UBAP2: variants seen among roughly 807,000 people sequenced by gnomAD.
The protein encoded by UBAP2 is ubiquitin associated protein 2, also known as ubiquitin-associated protein 2.
In UBAP2, 75 loss-of-function variants were observed where a neutral mutation model predicts 139.6. The observed-to-expected ratio is 0.54, with a 90% confidence interval of 0.45 to 0.65. The LOEUF (loss-of-function observed/expected upper bound fraction) is 0.65. UBAP2 is among the 30% of genes least tolerant of loss of function. The pLI, the probability that UBAP2 is intolerant of heterozygous loss-of-function variation, is 0.00. For missense variants in UBAP2, 1,368 were observed against 1,369.6 expected (o/e 1.00, Z 0.02); for synonymous variants, 526 against 526.2 (o/e 1.00, Z 0.01).
chr9:34,046,296 C>A (rs1353319380), intron 1 of UBAP2, among the ~76,000 whole-genome samples: 9 of 132,026 alleles, frequency 6.8e-5, no homozygotes, highest in Non-Finnish European at 1.1e-4. Flanking sequence ...AATAAATCAT[C>A]ATTTAAAAAA....
intron 11 of UBAP2, among the ~76,000 whole-genome samples, chr9:33,954,301 C>CACACACACACACAT (rs1554682975): frequency 0.064 from 9,308 of 146,038 alleles, 349 homozygotes; most frequent in South Asian, 0.083. Flanking sequence ...CACACACACA[C>CACACACACACACAT]GCCCATATAA....
At chr9:34,033,156 T>C (rs938944524) in intron 1 of UBAP2, among the ~76,000 whole-genome samples, 1 of 152,152 alleles carries the variant, frequency 6.6e-6, no homozygotes, top group Non-Finnish European at 1.5e-5. Flanking sequence ...ATTGAAGAAA[T>C]ATCTGCATTC....
chr9:33,970,621 A>T lies in UBAP2; in HGVS notation c.679+1030T>A, dbSNP rs560984308. Among the ~76,000 whole-genome samples the T allele has an allele frequency of 2.0e-5, 3 of 152,086 alleles. No individual in the cohort carries two copies. The South Asian group carries it at 6.2e-4, about 32-fold the overall frequency. ...AATTTTTTAAGTTTTCTTAGTATAG[A>T]TGAGGTCTTACTATGTTAACCAGGC... On this transcript the variant is annotated intron_variant, in intron 8 of 28. Coordinates refer to ENST00000379238, the MANE Select transcript of UBAP2 (RefSeq NM_001370062.2).
chr9:34,016,551 T>C (rs1824365678), intron 2 of UBAP2, among the ~76,000 whole-genome samples: 1 of 151,782 alleles, frequency 6.6e-6, no homozygotes, highest in Non-Finnish European at 1.5e-5. Flanking sequence ...TTTTTATTTT[T>C]TATTTATTTT....
Position 33,998,769 on chromosome 9 carries a change from C to T in UBAP2, c.177+18G>A, listed in dbSNP as rs370796178. The T allele has an allele frequency of 3.4e-5, 54 of 1,598,632 alleles. No individual in the cohort carries two copies. The highest frequency in any genetic ancestry group is 1.7e-4 in the Middle Eastern group (1 of 6,050). ...AAATAGATTATAAAAATGATGATATCCTTTGCCAGAAACATACCTGCTTAA... is the reference window on the plus strand; with the variant it reads ...AAATAGATTATAAAAATGATGATATTCTTTGCCAGAAACATACCTGCTTAA... On this transcript the variant is annotated intron_variant, in intron 3 of 28. Coordinates refer to ENST00000379238, the MANE Select transcript of UBAP2 (RefSeq NM_001370062.2).
At position 33,921,706 on chromosome 9, in the gene UBAP2, C is replaced by CTT. The variant is rs907257334; in HGVS notation, c.*796_*797dup. ...ACAGAGACCATGCATGCTCTCAGAA[C>CTT]TTTATTAGGTGGGGATTGGGCAAGA... On this transcript the variant is annotated 3_prime_UTR_variant, in exon 29 of 29. Transcript: ENST00000379238. The CTT allele has an allele frequency of 3.3e-5, 5 of 152,678 alleles. No individual in the cohort carries two copies. Among genetic ancestry groups the CTT allele is most frequent in the African/African-American group, 9.7e-5 (4 of 41,444 alleles). The allele number at this position is 152,678 out of a possible 1,614,324, so 9.5% of individuals were successfully genotyped here. A position where few individuals can be genotyped will look rare whatever the true frequency, so the allele number is the denominator to read the frequency against.
At chr9:33,925,678 G>A (rs10971796) in intron 22 of UBAP2, among the ~76,000 whole-genome samples, 9,664 of 152,228 alleles carry the variant, frequency 0.063, 430 homozygotes, top group South Asian at 0.23. Flanking sequence ...CTGGAAATAC[G>A]GCCAGCCAGT....
intron 4 of UBAP2, among the ~76,000 whole-genome samples, chr9:33,989,491 G>A (rs1257692029): frequency 3.9e-5 from 6 of 152,020 alleles, no homozygotes; most frequent in Admixed American, 2.6e-4. Context: ...GTGAGCCACC[G>A]CGCCCGGCAC....
intron 28 of UBAP2, 41 bp from the exon 29 acceptor site, chr9:33,922,640 G>A: frequency 6.3e-7 from 1 of 1,598,656 alleles, no homozygotes; most frequent in Non-Finnish European, 8.5e-7. Context: ...GGCTGGAGCA[G>A]AACCCCTGGC....
chr9:34,010,817 CAGTA>C (rs1823697505), intron 2 of UBAP2, among the ~76,000 whole-genome samples: 1 of 151,988 alleles, frequency 6.6e-6, no homozygotes, highest in Non-Finnish European at 1.5e-5. Flanking sequence ...ACTCACTGCA[CAGTA>C]AGTATTATTA....
At chr9:33,988,284 T>C (rs1353026274) in intron 5 of UBAP2, among the ~76,000 whole-genome samples, 1 of 152,220 alleles carries the variant, frequency 6.6e-6, no homozygotes. Context: ...ACATAGTAGA[T>C]ACTCAATAAA....
intron 19 of UBAP2, among the ~76,000 whole-genome samples, chr9:33,931,162 C>T (rs1823947916): frequency 6.6e-6 from 1 of 152,196 alleles, no homozygotes; most frequent in Non-Finnish European, 1.5e-5. Flanking sequence ...CCAATGCACG[C>T]ATACATAATT....
intron 1 of UBAP2, among the ~76,000 whole-genome samples, chr9:34,023,693 G>T (rs10971858): frequency 0.079 from 12,034 of 152,212 alleles, 680 homozygotes; most frequent in Non-Finnish European, 0.12. Flanking sequence ...CTTAATTAAG[G>T]TTTACTGCTC....
chr9:33,991,584 A>G (rs1453327806), intron 4 of UBAP2, among the ~76,000 whole-genome samples: 2 of 152,220 alleles, frequency 1.3e-5, no homozygotes, highest in African/African-American at 4.8e-5. Context: ...AGGAAGAGGT[A>G]TAAGTCATTA....
chr9:33,982,473 A>T (rs1255625959), intron 6 of UBAP2, among the ~76,000 whole-genome samples: 1 of 152,218 alleles, frequency 6.6e-6, no homozygotes, highest in Non-Finnish European at 1.5e-5. Context: ...TTTTATATAA[A>T]GCGAACGTAA....
At chr9:33,995,112 T>C (rs1452366169) in intron 4 of UBAP2, 2 of 152,088 alleles carry the variant, frequency 1.3e-5, no homozygotes, top group African/African-American at 4.8e-5. Flanking sequence ...ATCCCAACAC[T>C]TTGGGAGGCC....
intron 16 of UBAP2, among the ~76,000 whole-genome samples, chr9:33,937,747 A>T (rs1438707337): frequency 1.4e-5 from 2 of 142,240 alleles, no homozygotes; most frequent in African/African-American, 5.3e-5. Flanking sequence ...GTCTCTATTT[A>T]AAAAATACAA....
rs1467574264 is a variant in UBAP2 at position 33,922,387 on chromosome 9, G to C, written c.*117C>G. 1.0e-6 allele frequency: 1 copy of C among 978,238 alleles called. No homozygotes were observed. Among genetic ancestry groups the C allele is most frequent in the South Asian group, 1.4e-5 (1 of 71,330 alleles). 60.6% of individuals were successfully genotyped at this position (978,238 alleles called of 1,614,324 possible). On this transcript the variant is annotated 3_prime_UTR_variant, in exon 29 of 29. Transcript: ENST00000379238. ...TCTGGGAGGCAGACTCCCCACAGAG[G>C]CATGGCTGACACATGTCGGGAATTC...
intron 4 of UBAP2, chr9:33,995,460 A>G (rs1257931435): frequency 7.2e-6 from 1 of 138,206 alleles, no homozygotes; most frequent in African/African-American, 2.7e-5. Flanking sequence ...TATATATAAT[A>G]TATATTAAAT....
Sources: gnomAD v4.1 joint callset for allele counts (sites outside exome capture counted in the v4.1 genomes callset) on GRCh38, gnomAD v4.1.1 for gene constraint, MANE v1.5 for transcripts, NCBI Gene and HGNC (gene_info 2026-07-23, HGNC 2026-07-21) for gene names.